The following MCPH1 variants were observed in gnomAD, a reference collection of about 807,000 sequenced individuals.
MCPH1 encodes microcephalin 1.
In MCPH1, 104 loss-of-function variants were observed where a neutral mutation model predicts 84.5. The observed-to-expected ratio is 1.23, with a 90% CI of 1.05 to 1.45. The LOEUF (loss-of-function observed/expected upper bound fraction) is 1.45. Among genes scored for constraint, MCPH1 ranks in the 40% most tolerant of loss-of-function variants. MCPH1 has a pLI of 0.00. For synonymous variants in MCPH1, 514 were observed against 366.8 expected (o/e 1.40, Z -4.58); for missense variants, 1,498 against 1,005.7 (o/e 1.49, Z -6.62).
At chr8:6,580,314 C>A (rs988190906) in intron 12 of MCPH1, among the ~76,000 whole-genome samples, 3 of 152,068 alleles carry the variant, frequency 2.0e-5, no homozygotes, top group African/African-American at 7.2e-5. Context: ...CAGATGCTCA[C>A]AATTCCCTGA....
chr8:6,598,852 C>A (rs1338044236), intron 12 of MCPH1, among the ~76,000 whole-genome samples: 4 of 152,192 alleles, frequency 2.6e-5, no homozygotes, highest in Non-Finnish European at 5.9e-5. Context: ...GCTTCCCGCC[C>A]GATGCATTGC....
chr8:6,617,551 C>T (rs1003407713), intron 12 of MCPH1, among the ~76,000 whole-genome samples: 2 of 152,078 alleles, frequency 1.3e-5, no homozygotes, highest in African/African-American at 4.8e-5. Context: ...ACCGAGCCAT[C>T]GTTCCCCAAC....
chr8:6,639,682 A>G (rs764696931), intron 13 of MCPH1, among the ~76,000 whole-genome samples: 1 of 151,568 alleles, frequency 6.6e-6, no homozygotes, highest in African/African-American at 2.4e-5. Flanking sequence ...AAAAAAAAAC[A>G]TATTTACATA....
At chr8:6,537,598 T>C (rs1820743356) in intron 12 of MCPH1, among the ~76,000 whole-genome samples, 3 of 151,982 alleles carry the variant, frequency 2.0e-5, no homozygotes, top group Admixed American at 6.5e-5. Context: ...GTGCAAAATA[T>C]GTTCTGAAGT....
chr8:6,540,944 G>A (rs916719242), intron 12 of MCPH1, among the ~76,000 whole-genome samples: 1 of 152,254 alleles, frequency 6.6e-6, no homozygotes, highest in African/African-American at 2.4e-5. Context: ...TCCACCTGGG[G>A]CAAGAATGGG....
At chr8:6,637,166 G>A (rs1797614952) in intron 13 of MCPH1, among the ~76,000 whole-genome samples, 1 of 152,224 alleles carries the variant, frequency 6.6e-6, no homozygotes, top group Admixed American at 6.5e-5. Context: ...AGGCACTGCA[G>A]GTACAGCAAC....
chr8:6,414,783 A>G lies in MCPH1; in HGVS notation c.133A>G (p.Lys45Glu), dbSNP rs753231944. ...MGAKVSKTFN[K>E]QVTHVIFKDG... The stretch of plus-strand genomic sequence containing the variant: ...TCTACAGGTTTCAAAAACTTTTAAC[A>G]AACAAGTAACTCACGTTATCTTCAA... The change falls in exon 3 of 14, where the codon AAA becomes GAA. Residue 45 changes from lysine (K) to glutamate (E), a missense_variant. Transcript: ENST00000344683. 4 of 1,613,786 alleles carry G rather than the reference A, an allele frequency of 2.5e-6. No individual in the cohort carries two copies. Among genetic ancestry groups the G allele is most frequent in the Non-Finnish European group, 3.4e-6 (4 of 1,179,896 alleles).
At chr8:6,434,376 C>G (rs1328108799) in intron 4 of MCPH1, among the ~76,000 whole-genome samples, 1 of 152,186 alleles carries the variant, frequency 6.6e-6, no homozygotes, top group Non-Finnish European at 1.5e-5. Context: ...ACAATGTTGA[C>G]AGGCCAGCAC....
chr8:6,415,035 C>T, intron 3 of MCPH1, 152 bp downstream of exon 3: 2 of 778,940 alleles, frequency 2.6e-6, no homozygotes, highest in Non-Finnish European at 2.0e-6. Flanking sequence ...CCTCCAGCCT[C>T]AATTTCTGTG....
chr8:6,510,225 T>C (rs927246221), intron 12 of MCPH1, among the ~76,000 whole-genome samples: 1 of 151,846 alleles, frequency 6.6e-6, no homozygotes, highest in African/African-American at 2.4e-5. Flanking sequence ...TCTTGGCAGA[T>C]GGTTCAGGAC....
intron 12 of MCPH1, among the ~76,000 whole-genome samples, chr8:6,561,965 A>T (rs543815065): frequency 2.6e-5 from 4 of 152,272 alleles, no homozygotes; most frequent in African/African-American, 7.2e-5. Flanking sequence ...GTGGGGACGC[A>T]TTCCGCACCG....
At chr8:6,548,304 C>G (rs547909524) in intron 12 of MCPH1, among the ~76,000 whole-genome samples, 1 of 152,080 alleles carries the variant, frequency 6.6e-6, no homozygotes, top group Non-Finnish European at 1.5e-5. Flanking sequence ...GGACTCTACT[C>G]GTGCGTCACT....
intron 3 of MCPH1, among the ~76,000 whole-genome samples, chr8:6,416,479 C>T (rs1275214493): frequency 7.2e-5 from 11 of 152,120 alleles, no homozygotes; most frequent in Non-Finnish European, 1.5e-5. Context: ...TGAGGACGTT[C>T]CCATTCCCTT....
intron 12 of MCPH1, among the ~76,000 whole-genome samples, chr8:6,576,455 G>A (rs899501549): frequency 6.6e-6 from 1 of 151,770 alleles, no homozygotes; most frequent in African/African-American, 2.4e-5. Context: ...GGCCTTATTG[G>A]AATCCTTCCC....
At chr8:6,514,576 G>C (rs745850564) in intron 12 of MCPH1, 389 of 1,019,896 alleles carry the variant, frequency 3.8e-4, no homozygotes, top group Non-Finnish European at 4.8e-4. Context: ...CATGTCAAAA[G>C]TCATTGGTTA....
chr8:6,426,071 A>G (rs1801015651), intron 3 of MCPH1, among the ~76,000 whole-genome samples: 1 of 152,186 alleles, frequency 6.6e-6, no homozygotes, highest in Admixed American at 6.5e-5. Context: ...AGCACAGTTA[A>G]AAAACATTTC....
At chr8:6,464,840 A>T (rs1235216775) in intron 9 of MCPH1, among the ~76,000 whole-genome samples, 1 of 152,186 alleles carries the variant, frequency 6.6e-6, no homozygotes, top group East Asian at 1.9e-4. Flanking sequence ...TCTACTAAAA[A>T]TACAAAAAAT....
chr8:6,449,298 T>C lies in MCPH1; in HGVS notation c.1825+3751T>C, dbSNP rs1365699691. Among the ~76,000 whole-genome samples, 4 of 152,172 alleles carry C rather than the reference T, an allele frequency of 2.6e-5. No homozygotes were observed. In the East Asian group the frequency reaches 7.7e-4, roughly 29 times the overall value. On this transcript the variant is annotated intron_variant, in intron 8 of 13. Coordinates refer to ENST00000344683, the MANE Select transcript of MCPH1 (RefSeq NM_024596.5). ...AGATTCATCACTTGCAATTGAAAAA[T>C]AGGTGGAAGCTCCTCAATTGTGCAG...
intron 12 of MCPH1, among the ~76,000 whole-genome samples, chr8:6,609,935 T>G (rs576752728): frequency 6.6e-6 from 1 of 151,634 alleles, no homozygotes; most frequent in African/African-American, 2.4e-5. Context: ...TCTGGATAAG[T>G]TCTTTGGCAG....
Sources: allele counts gnomAD v4.1 joint callset (sites outside exome capture counted in the v4.1 genomes callset), GRCh38; gene constraint gnomAD v4.1.1; transcripts MANE v1.5; gene names NCBI Gene and HGNC (gene_info 2026-07-23, HGNC 2026-07-21).